Variants in CDK6 observed in about 807,000 individuals in gnomAD.
CDK6 encodes the protein cyclin dependent kinase 6.
In CDK6, 6 loss-of-function variants were observed where a neutral mutation model predicts 37.1. The observed-to-expected ratio is 0.16, with a 90% CI of 0.09 to 0.32. The LOEUF (loss-of-function observed/expected upper bound fraction) is 0.32. Ranked by LOEUF, CDK6 falls within the 10% of genes least tolerant of loss-of-function variation. The probability of loss-of-function intolerance (pLI) is 1.00; values close to 1 mark genes in which losing one functional copy is unlikely to be tolerated. For synonymous variants in CDK6, 160 were observed against 161.3 expected, an observed-to-expected ratio of 0.99 and a Z score of 0.06; for missense variants, 224 against 418.9, an observed-to-expected ratio of 0.53 and a Z score of 4.06.
At chr7:92,658,473 G>A (rs1021232912) in intron 5 of CDK6, among the ~76,000 whole-genome samples, 2 of 152,134 alleles carry the variant, frequency 1.3e-5, no homozygotes, top group African/African-American at 4.8e-5. Flanking sequence ...ATAAAATAAA[G>A]CGAATAAGCA....
At chr7:92,758,989 T>C (rs1236726282) in intron 3 of CDK6, among the ~76,000 whole-genome samples, 2 of 152,176 alleles carry the variant, frequency 1.3e-5, no homozygotes, top group African/African-American at 4.8e-5. Context: ...ACTGATTTTA[T>C]ACCCCAAAAC....
At chr7:92,790,890 AC>A (rs1375992576) in intron 2 of CDK6, among the ~76,000 whole-genome samples, 2 of 152,190 alleles carry the variant, frequency 1.3e-5, no homozygotes, top group African/African-American at 4.8e-5. Flanking sequence ...GAGCAGGAGC[AC>A]CGCAAGAAGC....
At chr7:92,750,883 CAG>C (rs1799172328) in intron 3 of CDK6, among the ~76,000 whole-genome samples, 1 of 152,172 alleles carries the variant, frequency 6.6e-6, no homozygotes, top group Admixed American at 6.5e-5. Context: ...TACTTAATGA[CAG>C]AGTTTTCAAC....
At chr7:92,658,182 G>T (rs1796747877) in intron 5 of CDK6, among the ~76,000 whole-genome samples, 1 of 152,154 alleles carries the variant, frequency 6.6e-6, no homozygotes, top group Non-Finnish European at 1.5e-5. Context: ...ACTTTTTGCA[G>T]GGTAATTTGG....
At chr7:92,826,555 C>T (rs557130060) in intron 2 of CDK6, among the ~76,000 whole-genome samples, 1 of 152,130 alleles carries the variant, frequency 6.6e-6, no homozygotes, top group African/African-American at 2.4e-5. Context: ...TCCATTAGGG[C>T]AAATGGAGTA....
chr7:92,676,738 A>G (rs986113742), intron 4 of CDK6, among the ~76,000 whole-genome samples: 2 of 152,172 alleles, frequency 1.3e-5, no homozygotes, highest in Admixed American at 6.5e-5. Context: ...TTCTCCCTAA[A>G]GAAAACTAGT....
chr7:92,812,517 A>C (rs1800911520), intron 2 of CDK6, among the ~76,000 whole-genome samples: 1 of 151,826 alleles, frequency 6.6e-6, no homozygotes, highest in South Asian at 2.1e-4. Context: ...TCCTAGGCTC[A>C]AGCCTTGATC....
chr7:92,637,371 T>G (rs2116526090), intron 5 of CDK6, among the ~76,000 whole-genome samples: 1 of 152,308 alleles, frequency 6.6e-6, no homozygotes, highest in Admixed American at 6.5e-5. Context: ...AGGGACACAT[T>G]TTCCTTGAAA....
chr7:92,823,528 T>C (rs1187074505), intron 2 of CDK6, among the ~76,000 whole-genome samples: 1 of 151,350 alleles, frequency 6.6e-6, no homozygotes, highest in African/African-American at 2.4e-5. Flanking sequence ...AATTTGAATG[T>C]ATTTCATTCA....
At chr7:92,642,336 G>C (rs1385897658) in intron 5 of CDK6, among the ~76,000 whole-genome samples, 1 of 152,170 alleles carries the variant, frequency 6.6e-6, no homozygotes, top group East Asian at 1.9e-4. Flanking sequence ...TATAGGGGGA[G>C]AGATATAAGG....
At chr7:92,828,586 T>C (rs1277567705) in intron 2 of CDK6, among the ~76,000 whole-genome samples, 2 of 152,178 alleles carry the variant, frequency 1.3e-5, no homozygotes, top group African/African-American at 4.8e-5. Flanking sequence ...TTTGTTTTTT[T>C]AAAAAAGAAA....
intron 4 of CDK6, among the ~76,000 whole-genome samples, chr7:92,707,907 G>A (rs1436005847): frequency 6.6e-6 from 1 of 152,208 alleles, no homozygotes; most frequent in Non-Finnish European, 1.5e-5. Context: ...TGAGCAGATG[G>A]AGGAAGACAC....
chr7:92,721,124 T>C (rs1408104565), intron 4 of CDK6, among the ~76,000 whole-genome samples: 1 of 152,140 alleles, frequency 6.6e-6, no homozygotes, highest in East Asian at 1.9e-4. Flanking sequence ...CTCTTCACAT[T>C]TCCAACTCCT....
chr7:92,735,542 C>T (rs765272524), intron 3 of CDK6, among the ~76,000 whole-genome samples: 3 of 152,160 alleles, frequency 2.0e-5, no homozygotes, highest in Non-Finnish European at 4.4e-5. Context: ...AGAACCTAGA[C>T]ATTTGATTAT....
In CDK6 at chr7:92,612,974, G is replaced by A. The variant is rs532040056; in HGVS notation, c.*2166C>T. The A allele has an allele frequency of 4.3e-6, 1 of 233,078 alleles. No individual in the cohort carries two copies. The highest frequency in any genetic ancestry group is 5.6e-5 in the Admixed American group (1 of 17,788). 14.4% of individuals were successfully genotyped at this position (233,078 alleles called of 1,614,324 possible). A position where few individuals can be genotyped will look rare whatever the true frequency, so the allele number is the denominator to read the frequency against. ...CTCACTTTTCCATGTGAGACTTTGA[G>A]TAGACCTGACCTTGAATGCTGTGGA... On this transcript the variant is annotated 3_prime_UTR_variant, in exon 8 of 8. Coordinates refer to ENST00000424848, the MANE Select transcript of CDK6 (RefSeq NM_001145306.2).
chr7:92,664,521 T>C (rs1796912915), intron 5 of CDK6, among the ~76,000 whole-genome samples: 1 of 152,222 alleles, frequency 6.6e-6, no homozygotes, highest in Non-Finnish European at 1.5e-5. Context: ...AGTTTCACTG[T>C]CAGTTTCTCA....
chr7:92,771,363 T>A (rs1008132609), intron 3 of CDK6, among the ~76,000 whole-genome samples: 4 of 151,608 alleles, frequency 2.6e-5, no homozygotes, highest in Admixed American at 2.6e-4. Flanking sequence ...AAAAATATCT[T>A]AGATATGTAT....
At chr7:92,682,192 C>G (rs539477709) in intron 4 of CDK6, among the ~76,000 whole-genome samples, 1 of 152,246 alleles carries the variant, frequency 6.6e-6, no homozygotes, top group African/African-American at 2.4e-5. Flanking sequence ...GTGCTCACCA[C>G]TCTCCTGCTT....
intron 2 of CDK6, among the ~76,000 whole-genome samples, chr7:92,831,623 G>T (rs1175184703): frequency 6.6e-6 from 1 of 152,126 alleles, no homozygotes; most frequent in Non-Finnish European, 1.5e-5. Context: ...TCATCTATAG[G>T]TTTTTATATA....
Sources: allele counts gnomAD v4.1 joint callset (sites outside exome capture counted in the v4.1 genomes callset), GRCh38; gene constraint gnomAD v4.1.1; transcripts MANE v1.5; gene names NCBI Gene and HGNC (gene_info 2026-07-23, HGNC 2026-07-21).